The following CACNB3 variants were observed in gnomAD, a reference collection of about 807,000 sequenced individuals.
CACNB3 encodes the protein voltage-dependent L-type calcium channel subunit beta-3.
Under a neutral mutation model 63.7 loss-of-function variants are expected in CACNB3, and 36 were observed. The ratio of observed to expected loss-of-function variants is 0.57; its 90% CI spans 0.43 to 0.75. CACNB3 has a LOEUF of 0.75. CACNB3 is among the 30% of genes least tolerant of loss of function. The pLI is 0.00. For missense variants in CACNB3, 493 were observed against 648.6 expected, an observed-to-expected ratio of 0.76 and a Z score of 2.61; for synonymous variants, 241 against 250.6, an observed-to-expected ratio of 0.96 and a Z score of 0.36.
intron 1 of CACNB3, chr12:48,820,093 G>C (rs1051545613): frequency 1.2e-5 from 2 of 160,538 alleles, no homozygotes; most frequent in African/African-American, 4.8e-5. Flanking sequence ...CTGATGTTCA[G>C]AATAGGCAAC....
chr12:48,827,623 C>G lies in CACNB3; in HGVS notation c.1179C>G (p.Ser393=). The part of the protein sequence containing the change: ...QLLGERGEEH[S]PLERDSLMPS... The stretch of plus-strand genomic sequence containing the variant: ...TGGGGGAGCGTGGCGAGGAGCACTC[C>G]CCCCTTGAGCGGGACAGCTTGATGC... Residue 393 remains serine, a synonymous_variant, in exon 13 of 13, where the codon TCC becomes TCG. Coordinates refer to ENST00000301050, the MANE Select transcript of CACNB3 (RefSeq NM_000725.4). The G allele has an allele frequency of 6.2e-7, 1 of 1,613,574 alleles. No homozygotes were observed. Among genetic ancestry groups the G allele is most frequent in the African/African-American group, 1.3e-5 (1 of 75,034 alleles).
chr12:48,827,641 C>T lies in CACNB3; in HGVS notation c.1197C>T (p.Ser399=). Residue 399 remains serine (S), a synonymous_variant, in exon 13 of 13, where the codon AGC becomes AGT. Coordinates refer to ENST00000301050, the MANE Select transcript of CACNB3 (RefSeq NM_000725.4). ...GEEHSPLERD[S]LMPSDEASES... is the part of the protein sequence containing the mutation. ...AGCACTCCCCCCTTGAGCGGGACAG[C>T]TTGATGCCCTCTGATGAGGCCAGCG... 1 of 1,613,778 alleles carries T rather than the reference C, an allele frequency of 6.2e-7. No individual in the cohort carries two copies. The highest frequency in any genetic ancestry group is 8.5e-7 in the Non-Finnish European group (1 of 1,180,010).
Position 48,818,587 on chromosome 12 carries a change from G to A in CACNB3, c.-343G>A, listed in dbSNP as rs934617205. The A allele has an allele frequency of 2.4e-5, 26 of 1,086,294 alleles. No homozygotes were observed. Among genetic ancestry groups the A allele is most frequent in the Non-Finnish European group, 2.9e-5 (26 of 895,586 alleles). 67.3% of individuals were successfully genotyped at this position (1,086,294 alleles called of 1,614,324 possible). A position where few individuals can be genotyped will look rare whatever the true frequency, so the allele number is the denominator to read the frequency against. On this transcript the variant is annotated 5_prime_UTR_variant, in exon 1 of 13. Coordinates refer to ENST00000301050, the MANE Select transcript of CACNB3 (RefSeq NM_000725.4). The surrounding 1 kb of genome is among the most constrained non-coding windows in gnomAD (Gnocchi z 4.3). ...CGTTCCCCTCTCCCGGCCTGGCCCG[G>A]GCTCCCCGGTGGCCGCCGCCCCCTC...
At chr12:48,814,482 A>T, upstream of CACNB3, 2 of 1,528,034 alleles carry the variant, frequency 1.3e-6, no homozygotes, top group Non-Finnish European at 1.7e-6. This position sits in a 1 kb window ranked among gnomAD's most constrained non-coding sequence, Gnocchi z 6.9. Flanking sequence ...GCGACTCTGT[A>T]CTCCCTGCTG....
At chr12:48,820,892 T>C (rs1190513261) in intron 1 of CACNB3, 3 of 152,218 alleles carry the variant, frequency 2.0e-5, no homozygotes, top group East Asian at 1.9e-4. Context: ...TCAGGCGTTA[T>C]GATTACTAAA....
In CACNB3 at chr12:48,827,805, A is replaced by AC. The variant is rs1426521835; in HGVS notation, c.1366dup (p.Gln456ProfsTer15). ...GGGCTGCCTAGTGCTAACGGGCATG[A>AC]CCCCCAAGACCGGCTTCTAGCCCAG... On this transcript the variant is annotated frameshift_variant, in exon 13 of 13. Coordinates refer to ENST00000301050, the MANE Select transcript of CACNB3 (RefSeq NM_000725.4). LOFTEE classifies it high-confidence loss of function. 1 of 1,613,962 alleles carries AC rather than the reference A, an allele frequency of 6.2e-7. No individual in the cohort carries two copies. The highest frequency in any genetic ancestry group is 8.5e-7 in the Non-Finnish European group (1 of 1,179,984).
At position 48,818,719 on chromosome 12, in the gene CACNB3, T is replaced by TG. The variant is rs560661926; in HGVS notation, c.-204dup. ...CGCTCGGGGTGGGACCGGCTGGGTT[T>TG]GGGGGGGTGGGGTGGGGGGAGCGGT... is the stretch of plus-strand genomic sequence containing the variant. On this transcript the variant is annotated 5_prime_UTR_variant, in exon 1 of 13. Coordinates refer to ENST00000301050, the MANE Select transcript of CACNB3 (RefSeq NM_000725.4). The surrounding 1 kb of genome is among the most constrained non-coding windows in gnomAD (Gnocchi z 4.3). 2.0e-3 allele frequency: 581 copies of TG among 285,768 alleles called. 1 individual carries two copies. In the African/African-American group the frequency reaches 0.067, roughly 33 times the overall value. 17.7% of individuals were successfully genotyped at this position (285,768 alleles called of 1,614,324 possible). A position where few individuals can be genotyped will look rare whatever the true frequency, so the allele number is the denominator to read the frequency against.
chr12:48,823,950 C>T lies in CACNB3; in HGVS notation c.291+147C>T. 9.8e-7 allele frequency: 1 copy of T among 1,019,476 alleles called. No homozygotes were observed. Among genetic ancestry groups the T allele is most frequent in the South Asian group, 1.6e-5 (1 of 61,142 alleles). The allele number at this position is 1,019,476 out of a possible 1,614,324, so 63.2% of individuals were successfully genotyped here. A position where few individuals can be genotyped will look rare whatever the true frequency, so the allele number is the denominator to read the frequency against. ...ACACACACCTGTCCACCCCTCATAT[C>T]TAAGATCTCATCCCCAGGGTCTCCA... On this transcript the variant is annotated intron_variant, in intron 3 of 12. Transcript: ENST00000301050. This position sits in a 1 kb window ranked among gnomAD's most constrained non-coding sequence, Gnocchi z 4.2.
At chr12:48,815,542 G>C (rs936581677), upstream of CACNB3, 3 of 1,496,226 alleles carry the variant, frequency 2.0e-6, no homozygotes, top group Middle Eastern at 6.4e-4. Flanking sequence ...CCAGGGGAGA[G>C]GGAAGGGAGC....
chr12:48,826,210 C>A lies in CACNB3; in HGVS notation c.743-157C>A. On this transcript the variant is annotated intron_variant, in intron 9 of 12. Coordinates refer to ENST00000301050, the MANE Select transcript of CACNB3 (RefSeq NM_000725.4). This position sits in a 1 kb window ranked among gnomAD's most constrained non-coding sequence, Gnocchi z 4.8. ...CCCCCAGGATTGGCAAGAACACACC[C>A]CTCCTCCTCAATTCCCATTCCTCTG... The A allele has an allele frequency of 1.5e-6, 1 of 688,502 alleles. No individual in the cohort carries two copies. The allele number at this position is 688,502 out of a possible 1,614,324, so 42.6% of individuals were successfully genotyped here. A position where few individuals can be genotyped will look rare whatever the true frequency, so the allele number is the denominator to read the frequency against.
upstream of CACNB3, chr12:48,815,645 G>C: frequency 6.6e-7 from 1 of 1,513,236 alleles, no homozygotes. Flanking sequence ...CCGCCTCGGA[G>C]CCCCTGGCCC....
chr12:48,824,487 G>A (rs1241424469), intron 4 of CACNB3, 114 bp downstream of exon 4: 11 of 1,079,092 alleles, frequency 1.0e-5, no homozygotes, highest in South Asian at 3.0e-5. Context: ...ACACATACAC[G>A]TATGCCCAGC....
rs1341634891 is a variant in CACNB3, at chr12:48,826,050, A to G, written c.742+281A>G. Among the ~76,000 whole-genome samples the G allele has an allele frequency of 1.3e-5, 2 of 152,080 alleles. No individual in the cohort carries two copies. Among genetic ancestry groups the G allele is most frequent in the Non-Finnish European group, 2.9e-5 (2 of 68,014 alleles). On this transcript the variant is annotated intron_variant, in intron 9 of 12. Coordinates refer to ENST00000301050, the MANE Select transcript of CACNB3 (RefSeq NM_000725.4). This position sits in a 1 kb window ranked among gnomAD's most constrained non-coding sequence, Gnocchi z 4.8. ...CACCATGTTGGCCAGGCTGGTCTCG[A>G]ACTCCTGACCTCAAGTGATCGGCCC... is the stretch of plus-strand genomic sequence containing the variant.
chr12:48,819,097 G>T, intron 1 of CACNB3, 123 bp downstream of exon 1: 1 of 1,008,196 alleles, frequency 9.9e-7, no homozygotes, highest in Non-Finnish European at 1.5e-6. Flanking sequence ...TTGTAGGGGG[G>T]CGCTCTAAGA....
chr12:48,817,091 G>C, upstream of CACNB3: 1 of 777,666 alleles, frequency 1.3e-6, no homozygotes, highest in Non-Finnish European at 1.6e-6. Flanking sequence ...CAGGAGAGGA[G>C]ACAGTCCCTT....
At chr12:48,822,826 G>C (rs1344895999) in intron 1 of CACNB3, among the ~76,000 whole-genome samples, 2 of 152,100 alleles carry the variant, frequency 1.3e-5, no homozygotes, top group Non-Finnish European at 2.9e-5. Flanking sequence ...GGAATCTTAG[G>C]GGGCAGATGG....
upstream of CACNB3, chr12:48,814,606 C>T (rs1473852804): frequency 4.1e-6 from 6 of 1,475,852 alleles, no homozygotes; most frequent in Admixed American, 6.9e-5. This position sits in a 1 kb window ranked among gnomAD's most constrained non-coding sequence, Gnocchi z 6.9. Context: ...AGGAGCCCCA[C>T]GGGGTGGGAA....
At chr12:48,815,721 T>C (rs1330525880), upstream of CACNB3, 2 of 1,347,406 alleles carry the variant, frequency 1.5e-6, no homozygotes, top group East Asian at 3.1e-5. Flanking sequence ...ACCTTCCTGC[T>C]GAACGAGGTA....
chr12:48,825,643 C>G lies in CACNB3; in HGVS notation c.633-17C>G. On this transcript the variant is annotated splice_polypyrimidine_tract_variant and intron_variant, in intron 8 of 12. Transcript: ENST00000301050. The surrounding 1 kb of genome is among the most constrained non-coding windows in gnomAD (Gnocchi z 4.5). ...ACAGGTTTAGAAGCAAGCTGTGATT[C>G]TCCACTCCCACCCCAGGATCTCCAT... is the stretch of plus-strand genomic sequence containing the variant. 6.2e-7 allele frequency: 1 copy of G among 1,605,120 alleles called. No individual in the cohort carries two copies. Among genetic ancestry groups the G allele is most frequent in the African/African-American group, 1.3e-5 (1 of 74,812 alleles).
Sources: gnomAD v4.1 joint callset for allele counts (sites outside exome capture counted in the v4.1 genomes callset) on GRCh38, gnomAD v4.1.1 for gene constraint, Gnocchi (gnomAD v3.1) non-coding constraint, MANE v1.5 for transcripts, NCBI Gene and HGNC (gene_info 2026-07-23, HGNC 2026-07-21) for gene names.